The following KIF6 variants were observed in gnomAD, a reference collection of about 807,000 sequenced individuals.
KIF6 encodes kinesin-like protein KIF6.
A neutral mutation model predicts 112.7 loss-of-function variants in KIF6; 106 were observed. The ratio of observed to expected loss-of-function variants is 0.94; its 90% CI spans 0.80 to 1.11. The LOEUF (loss-of-function observed/expected upper bound fraction) is 1.11. Among genes scored for constraint, KIF6 ranks in the 50% least tolerant of loss-of-function variants. The pLI is 0.00. For synonymous variants in KIF6, 339 were observed against 339.9 expected (o/e 1.00, Z 0.03); for missense variants, 929 against 964.0 (o/e 0.96, Z 0.48).
At chr6:39,675,144 T>C (rs113175486) in intron 3 of KIF6, among the ~76,000 whole-genome samples, 1 of 151,568 alleles carries the variant, frequency 6.6e-6, no homozygotes, top group Non-Finnish European at 1.5e-5. Context: ...TAAATGAAAA[T>C]CGAAATAAAA....
intron 3 of KIF6, among the ~76,000 whole-genome samples, chr6:39,676,124 T>A (rs902527988): frequency 2.0e-5 from 3 of 149,362 alleles, no homozygotes; most frequent in Admixed American, 2.0e-4. Flanking sequence ...ATCCTCAGAT[T>A]TAGGAAGCAC....
intron 5 of KIF6, among the ~76,000 whole-genome samples, chr6:39,629,882 C>G (rs1365823070): frequency 6.6e-6 from 1 of 152,022 alleles, no homozygotes; most frequent in Non-Finnish European, 1.5e-5. Context: ...GGTCCCTGTC[C>G]AGATTCACTT....
intron 22 of KIF6, 152 bp from the exon 23 acceptor site, chr6:39,336,700 C>T (rs772553808): frequency 5.7e-6 from 4 of 704,940 alleles, no homozygotes; most frequent in African/African-American, 3.5e-5. Context: ...TGCATTTATA[C>T]CCCAAGCTCT....
At chr6:39,660,534 T>A (rs1010132792) in intron 3 of KIF6, among the ~76,000 whole-genome samples, 13 of 152,190 alleles carry the variant, frequency 8.5e-5, no homozygotes, top group African/African-American at 2.9e-4. Flanking sequence ...GCTCACACAA[T>A]CTTGTCAATG....
In KIF6 at chr6:39,510,387, C is replaced by T. The variant is rs760279903; in HGVS notation, c.1645+29616G>A. On this transcript the variant is annotated intron_variant, in intron 13 of 22. Coordinates refer to ENST00000287152, the MANE Select transcript of KIF6 (RefSeq NM_145027.6). ...GATTACAGGCGTGAGCCACCACGTC[C>T]GGCTCAACATTCTTAAAGCAAAGAA... 1.2e-4 allele frequency among the ~76,000 whole-genome samples: 18 copies of T among 152,012 alleles called. No homozygotes were observed. In the East Asian group the frequency reaches 1.3e-3, roughly 11 times the overall value.
At chr6:39,394,869 T>C (rs1481434186) in intron 15 of KIF6, among the ~76,000 whole-genome samples, 1 of 152,234 alleles carries the variant, frequency 6.6e-6, no homozygotes. Context: ...CAATACTTTC[T>C]AGAAAAACAT....
At chr6:39,444,306 A>G (rs1022443297) in intron 13 of KIF6, among the ~76,000 whole-genome samples, 1 of 152,218 alleles carries the variant, frequency 6.6e-6, no homozygotes, top group Non-Finnish European at 1.5e-5. Context: ...TTACTGAGGC[A>G]TAATTGACAA....
chr6:39,392,393 G>T (rs1193908035), intron 15 of KIF6, among the ~76,000 whole-genome samples: 3 of 152,164 alleles, frequency 2.0e-5, no homozygotes, highest in African/African-American at 7.2e-5. Flanking sequence ...TTTCTCTGCT[G>T]GGTCTCAGCA....
intron 5 of KIF6, among the ~76,000 whole-genome samples, chr6:39,628,686 A>G (rs1480093220): frequency 1.3e-5 from 2 of 152,118 alleles, no homozygotes; most frequent in East Asian, 3.9e-4. Flanking sequence ...CTTATTAACT[A>G]AAGCCTATAG....
At chr6:39,383,000 C>G (rs1044944293) in intron 16 of KIF6, among the ~76,000 whole-genome samples, 1 of 132,162 alleles carries the variant, frequency 7.6e-6, no homozygotes, top group Middle Eastern at 3.4e-3. Flanking sequence ...TCTTTGCCCA[C>G]TTTTTAATAG....
At chr6:39,510,613 G>T (rs189781910) in intron 13 of KIF6, among the ~76,000 whole-genome samples, 1 of 152,062 alleles carries the variant, frequency 6.6e-6, no homozygotes, top group Admixed American at 6.5e-5. Context: ...AAAGATCATC[G>T]ACGCTATGAA....
At chr6:39,442,697 C>A (rs147417607) in intron 13 of KIF6, among the ~76,000 whole-genome samples, 25 of 152,302 alleles carry the variant, frequency 1.6e-4, no homozygotes, top group African/African-American at 5.8e-4. Flanking sequence ...ATGTCTAATT[C>A]CAGGCTCAAT....
intron 15 of KIF6, among the ~76,000 whole-genome samples, chr6:39,412,894 C>T (rs1769591234): frequency 6.6e-6 from 1 of 152,074 alleles, no homozygotes. Context: ...CATCTCTGCA[C>T]ATGATGCTCA....
chr6:39,550,223 C>T (rs1405110262), intron 10 of KIF6, among the ~76,000 whole-genome samples: 5 of 152,138 alleles, frequency 3.3e-5, no homozygotes. Context: ...TGAACATGTT[C>T]GTGTCAGCAG....
At chr6:39,666,590 G>C (rs1264760126) in intron 3 of KIF6, among the ~76,000 whole-genome samples, 1 of 152,168 alleles carries the variant, frequency 6.6e-6, no homozygotes, top group Non-Finnish European at 1.5e-5. Context: ...TCACCACCTA[G>C]TGTGTTCTGT....
At chr6:39,485,774 A>G (rs542970140) in intron 13 of KIF6, among the ~76,000 whole-genome samples, 1 of 152,312 alleles carries the variant, frequency 6.6e-6, no homozygotes, top group East Asian at 1.9e-4. Flanking sequence ...ATTTAGAAAG[A>G]ATGTGCCAAC....
chr6:39,545,833 G>A, intron 10 of KIF6, 145 bp from the exon 11 acceptor site: 2 of 524,416 alleles, frequency 3.8e-6, no homozygotes, highest in Non-Finnish European at 3.4e-6. Flanking sequence ...AAAAATTAAG[G>A]GAAAAGAAAC....
intron 13 of KIF6, among the ~76,000 whole-genome samples, chr6:39,477,402 A>T (rs1774493540): frequency 6.6e-6 from 1 of 152,318 alleles, no homozygotes; most frequent in South Asian, 2.1e-4. Context: ...AAACTGATAT[A>T]AGGGCAAGTT....
chr6:39,554,763 G>C, intron 10 of KIF6: 1 of 161,812 alleles, frequency 6.2e-6, no homozygotes, highest in Non-Finnish European at 1.4e-5. Context: ...GCCACTCTTG[G>C]ATCTCACACA....
Sources: gnomAD v4.1 joint callset for allele counts (sites outside exome capture counted in the v4.1 genomes callset) on GRCh38, gnomAD v4.1.1 for gene constraint, MANE v1.5 for transcripts, NCBI Gene and HGNC (gene_info 2026-07-23, HGNC 2026-07-21) for gene names.